Variants in TECPR2 observed in about 807,000 individuals in gnomAD.
TECPR2 encodes tectonin beta-propeller repeat containing 2.
TECPR2 carries 65 observed loss-of-function variants against 138.1 expected under a neutral mutation model. The observed-to-expected ratio is 0.47, with a 90% CI of 0.39 to 0.58. The LOEUF (loss-of-function observed/expected upper bound fraction) is 0.58, where lower values mean the gene tolerates loss of function less well. TECPR2 is among the 20% of genes least tolerant of loss of function. The pLI, the probability that TECPR2 is intolerant of heterozygous loss-of-function variation, is 0.00. For missense variants in TECPR2, 1,553 were observed against 1,824.5 expected, an observed-to-expected ratio of 0.85 and a Z score of 2.71; for synonymous variants, 746 against 749.8, an observed-to-expected ratio of 0.99 and a Z score of 0.08.
At chr14:102,384,916 G>A (rs1887956275) in intron 2 of TECPR2, among the ~76,000 whole-genome samples, 1 of 140,546 alleles carries the variant, frequency 7.1e-6, no homozygotes, top group East Asian at 2.1e-4. Flanking sequence ...GAGTGCAGTG[G>A]TGCAATCTCG....
intron 4 of TECPR2, among the ~76,000 whole-genome samples, chr14:102,412,070 G>T (rs1888887810): frequency 6.7e-6 from 1 of 149,668 alleles, no homozygotes; most frequent in Non-Finnish European, 1.5e-5. Flanking sequence ...TTATGTATTG[G>T]TCACTTAGAA....
intron 17 of TECPR2, among the ~76,000 whole-genome samples, chr14:102,483,775 G>T (rs1038647233): frequency 1.4e-5 from 2 of 142,034 alleles, no homozygotes; most frequent in Admixed American, 1.5e-4. Context: ...CTGGCTGAAG[G>T]CCTCCTTTTC....
intron 17 of TECPR2, among the ~76,000 whole-genome samples, chr14:102,475,098 T>C (rs1203597526): frequency 2.0e-5 from 3 of 152,210 alleles, no homozygotes; most frequent in Non-Finnish European, 2.9e-5. Context: ...GCGCCTGTGC[T>C]TCCAGAGCTG....
In TECPR2 at chr14:102,500,618, C is replaced by T. The variant is rs1027823349; in HGVS notation, c.*2361C>T. 6.6e-6 allele frequency: 1 copy of T among 152,238 alleles called. No homozygotes were observed. Among genetic ancestry groups the T allele is most frequent in the East Asian group, 1.9e-4 (1 of 5,198 alleles). 9.4% of individuals were successfully genotyped at this position (152,238 alleles called of 1,614,324 possible). A position where few individuals can be genotyped will look rare whatever the true frequency, so the allele number is the denominator to read the frequency against. On this transcript the variant is annotated 3_prime_UTR_variant, in exon 20 of 20. Coordinates refer to ENST00000359520, the MANE Select transcript of TECPR2 (RefSeq NM_014844.5). ...AATGACCTCAGCAAGAAACCTCAGG[C>T]CGTGTGAAGAGCAGCAAAGCTTTCC...
At chr14:102,428,819 C>T (rs1015943649) in intron 7 of TECPR2, among the ~76,000 whole-genome samples, 29 of 151,372 alleles carry the variant, frequency 1.9e-4, no homozygotes. Flanking sequence ...TTTATTTGAA[C>T]TTGGAGGATT....
intron 17 of TECPR2, among the ~76,000 whole-genome samples, chr14:102,490,379 C>T (rs1891127279): frequency 6.6e-6 from 1 of 152,236 alleles, no homozygotes; most frequent in South Asian, 2.1e-4. Context: ...TGTCATGACA[C>T]CCAGGGTGTG....
At chr14:102,413,895 T>C (rs903343957) in intron 4 of TECPR2, among the ~76,000 whole-genome samples, 1 of 152,070 alleles carries the variant, frequency 6.6e-6, no homozygotes, top group African/African-American at 2.4e-5. Flanking sequence ...ACTCCTGGGC[T>C]CAAATGATCC....
At chr14:102,399,944 T>C (rs1888429176) in intron 2 of TECPR2, among the ~76,000 whole-genome samples, 1 of 152,142 alleles carries the variant, frequency 6.6e-6, no homozygotes, top group African/African-American at 2.4e-5. Context: ...AATTGCATTT[T>C]TGTGTTCTAC....
intron 2 of TECPR2, among the ~76,000 whole-genome samples, chr14:102,404,179 C>T (rs1300025665): frequency 6.6e-6 from 1 of 151,812 alleles, no homozygotes; most frequent in Non-Finnish European, 1.5e-5. Flanking sequence ...TGTGGGATTA[C>T]AGGCATGAAT....
At chr14:102,492,179 G>T (rs1176278655) in intron 17 of TECPR2, among the ~76,000 whole-genome samples, 1 of 152,232 alleles carries the variant, frequency 6.6e-6, no homozygotes, top group Non-Finnish European at 1.5e-5. Context: ...CACCCTCTGA[G>T]ACCTGGCCTC....
chr14:102,405,384 G>C (rs1004692450), intron 2 of TECPR2, among the ~76,000 whole-genome samples: 7 of 152,072 alleles, frequency 4.6e-5, no homozygotes, highest in African/African-American at 1.7e-4. Flanking sequence ...TTGAATAGAT[G>C]TTTCCCCAGA....
In TECPR2 at chr14:102,493,224, G is replaced by A. The variant is rs377041521; in HGVS notation, c.3790-3755G>A. On this transcript the variant is annotated intron_variant, in intron 17 of 19. Coordinates refer to ENST00000359520, the MANE Select transcript of TECPR2 (RefSeq NM_014844.5). ...CGTCTCAGCTCTGGGCCAGGACTACGGGCAGTGTGTGGGGGAGTCCTGGCT... is the reference window on the plus strand; with the variant it reads ...CGTCTCAGCTCTGGGCCAGGACTACAGGCAGTGTGTGGGGGAGTCCTGGCT... Among the ~76,000 whole-genome samples the A allele has an allele frequency of 7.5e-4, 115 of 152,344 alleles. 2 individuals carry two copies. The highest frequency in any genetic ancestry group is 2.7e-3 in the African/African-American group (112 of 41,592).
chr14:102,367,993 CCTTTTTTTTTTTTTT>C (rs1253701758), intron 1 of TECPR2, among the ~76,000 whole-genome samples: 4 of 101,128 alleles, frequency 4.0e-5, no homozygotes, highest in South Asian at 5.9e-4. Flanking sequence ...TGCTTATTGG[CCTTTTTTTTTTTTTT>C]TTTTTTTTTT....
chr14:102,451,207 CGGCCGGGAG>C (rs1890133030), intron 15 of TECPR2, among the ~76,000 whole-genome samples: 1 of 152,172 alleles, frequency 6.6e-6, no homozygotes, highest in African/African-American at 2.4e-5. Context: ...CTGGCATCTG[CGGCCGGGAG>C]GGGCACTTCC....
chr14:102,457,535 A>G (rs1161016679), intron 16 of TECPR2, among the ~76,000 whole-genome samples: 1 of 152,222 alleles, frequency 6.6e-6, no homozygotes, highest in Non-Finnish European at 1.5e-5. Flanking sequence ...AGAGTCATCA[A>G]GCTGACATGG....
At chr14:102,492,722 AG>A (rs976482645) in intron 17 of TECPR2, among the ~76,000 whole-genome samples, 2 of 152,152 alleles carry the variant, frequency 1.3e-5, no homozygotes, top group African/African-American at 4.8e-5. Context: ...GGGGTTGTGA[AG>A]GGTGGGCAGC....
chr14:102,382,173 A>G (rs992795316), intron 2 of TECPR2, among the ~76,000 whole-genome samples: 8 of 152,020 alleles, frequency 5.3e-5, no homozygotes, highest in Non-Finnish European at 2.9e-5. Context: ...GGCTCCTGTA[A>G]TCCCAGCTAC....
At chr14:102,489,691 G>A (rs890224269) in intron 17 of TECPR2, among the ~76,000 whole-genome samples, 5 of 121,366 alleles carry the variant, frequency 4.1e-5, no homozygotes, top group Non-Finnish European at 8.2e-5. Flanking sequence ...GGCGACAAGA[G>A]CAAAACTGTG....
At chr14:102,457,126 C>G (rs527388962) in intron 16 of TECPR2, among the ~76,000 whole-genome samples, 1 of 152,098 alleles carries the variant, frequency 6.6e-6, no homozygotes, top group Admixed American at 6.5e-5. Context: ...ACTCTGTTGC[C>G]TAGGCTGGAG....
Sources: allele counts gnomAD v4.1 joint callset (sites outside exome capture counted in the v4.1 genomes callset), GRCh38; gene constraint gnomAD v4.1.1; transcripts MANE v1.5; gene names NCBI Gene and HGNC (gene_info 2026-07-23, HGNC 2026-07-21).